The following CHD7 variants were observed in gnomAD, a reference collection of about 807,000 sequenced individuals.
CHD7 encodes the protein chromodomain helicase DNA binding protein 7.
CHD7 carries 24 observed loss-of-function variants against 307.3 expected under a neutral mutation model. That is an observed-to-expected ratio of 0.08 (90% CI 0.06 to 0.11). CHD7 has a LOEUF of 0.11. Among genes scored for constraint, CHD7 ranks in the 10% least tolerant of loss-of-function variants. CHD7 has a pLI of 1.00. For synonymous variants in CHD7, 1,363 were observed against 1,349.9 expected (o/e 1.01, Z -0.21); for missense variants, 3,106 against 3,727.1 (o/e 0.83, Z 4.34).
At chr8:60,804,966 T>G (rs1252687945) in intron 6 of CHD7, among the ~76,000 whole-genome samples, 1 of 152,236 alleles carries the variant, frequency 6.6e-6, no homozygotes, top group African/African-American at 2.4e-5. Context: ...AAAATTCTAT[T>G]TAATTCATAA....
intron 4 of CHD7, among the ~76,000 whole-genome samples, chr8:60,799,953 G>A (rs1407994393): frequency 2.0e-5 from 3 of 151,938 alleles, no homozygotes; most frequent in Non-Finnish European, 2.9e-5. Flanking sequence ...ATCATATATA[G>A]GATTAGCATT....
At chr8:60,722,815 T>A (rs1369555510) in intron 1 of CHD7, among the ~76,000 whole-genome samples, 1 of 152,206 alleles carries the variant, frequency 6.6e-6, no homozygotes, top group Non-Finnish European at 1.5e-5. Context: ...GAAAATCTGG[T>A]CTCATGTGGA....
intron 2 of CHD7, among the ~76,000 whole-genome samples, chr8:60,747,546 T>C (rs1489962262): frequency 1.3e-5 from 2 of 152,240 alleles, no homozygotes; most frequent in African/African-American, 4.8e-5. Context: ...TTATCAAATA[T>C]TGATTTTCAC....
chr8:60,862,025 TA>T (rs1405098447), intron 35 of CHD7, 170 bp from the exon 36 acceptor site: 2 of 525,536 alleles, frequency 3.8e-6, no homozygotes, highest in African/African-American at 3.9e-5. Context: ...ACGGGTAAAA[TA>T]GGAGTTTTTT....
chr8:60,686,656 G>C (rs1181804613), intron 1 of CHD7, among the ~76,000 whole-genome samples: 1 of 152,168 alleles, frequency 6.6e-6, no homozygotes, highest in Non-Finnish European at 1.5e-5. Context: ...CAGGGACCGC[G>C]TGCGACCTGG....
Position 60,856,505 on chromosome 8 carries a change from A to G in CHD7, c.7225A>G (p.Ile2409Val). Reference sequence around the variant, plus strand: ...GAGGAGGAGGAGGAGAAAAATCGAAATTGAGGCCGAAAGAGCTGCCAAGAG... The same window carrying G: ...GAGGAGGAGGAGGAGAAAAATCGAAGTTGAGGCCGAAAGAGCTGCCAAGAG... ...QRRRRRRKIE[I>V]EAERAAKRRN... Residue 2409 changes from isoleucine to valine, a missense_variant, in exon 34 of 38, where the codon ATT becomes GTT. Physicochemically the swap from Ile to Val is conservative, Grantham distance 29. This residue lies in a region of CHD7 where 1,030 missense variants were observed against 1,165.4 expected (regional missense o/e 0.88). Coordinates refer to ENST00000423902, the MANE Select transcript of CHD7 (RefSeq NM_017780.4). The G allele has an allele frequency of 6.2e-7, 1 of 1,613,836 alleles. No homozygotes were observed. Among genetic ancestry groups the G allele is most frequent in the Non-Finnish European group, 8.5e-7 (1 of 1,179,816 alleles).
At chr8:60,795,292 G>A (rs948942380) in intron 4 of CHD7, among the ~76,000 whole-genome samples, 165 bp downstream of exon 4, 13 of 152,206 alleles carry the variant, frequency 8.5e-5, no homozygotes, top group African/African-American at 1.9e-4. Context: ...GAGGGGGAGC[G>A]GGCGTGGAAC....
At position 60,748,987 on chromosome 8, in the gene CHD7, T is replaced by TAAAAAAAA. The variant is rs372874769; in HGVS notation, c.1665+5897_1665+5898insAAAAAAAA. 4.5e-3 allele frequency among the ~76,000 whole-genome samples: 679 copies of TAAAAAAAA among 149,314 alleles called. 2 individuals carry two copies. Among genetic ancestry groups the TAAAAAAAA allele is most frequent in the African/African-American group, 0.016 (638 of 40,756 alleles). ...GTGGTACAATTTTTTTTTTTTTTTT[T>TAAAAAAAA]AAAAAAATAGCCTTTCAGGGAAAAC... is the stretch of plus-strand genomic sequence containing the variant. On this transcript the variant is annotated intron_variant, in intron 2 of 37. Transcript: ENST00000423902.
intron 11 of CHD7, among the ~76,000 whole-genome samples, 137 bp from the exon 12 acceptor site, chr8:60,822,349 AATTTTGTTTGAAAATAT>A (rs1267183112): frequency 6.6e-6 from 1 of 152,164 alleles, no homozygotes; most frequent in Non-Finnish European, 1.5e-5. Context: ...ATTCTTTGAG[AATTTTGTTTGAAAATAT>A]ATTTTGTTGA....
intron 2 of CHD7, among the ~76,000 whole-genome samples, chr8:60,748,614 C>G (rs767937473): frequency 3.3e-5 from 5 of 152,142 alleles, no homozygotes; most frequent in Non-Finnish European, 5.9e-5. Context: ...ATTTGAAGAG[C>G]TTATCTAAAG....
chr8:60,837,873 G>T (rs1804806323), intron 18 of CHD7, 38 bp downstream of exon 18: 3 of 1,556,256 alleles, frequency 1.9e-6, no homozygotes, highest in Non-Finnish European at 2.6e-6. Context: ...ATTTATTCTG[G>T]CACTTTCCTT....
At chr8:60,839,105 A>G (rs77754233) in intron 19 of CHD7, among the ~76,000 whole-genome samples, 1,668 of 152,292 alleles carry the variant, frequency 0.011, 17 homozygotes, top group Non-Finnish European at 0.019. Context: ...CCAGTCTGCC[A>G]TATCTGGAAA....
chr8:60,787,771 T>C (rs1811563827), intron 3 of CHD7, among the ~76,000 whole-genome samples: 1 of 152,130 alleles, frequency 6.6e-6, no homozygotes, highest in Non-Finnish European at 1.5e-5. Context: ...CTTTTCCATG[T>C]TACTTCTGGC....
intron 3 of CHD7, 135 bp downstream of exon 3, chr8:60,781,565 A>G: frequency 7.9e-7 from 1 of 1,266,548 alleles, no homozygotes; most frequent in Non-Finnish European, 1.0e-6. Context: ...TTTCCCTAAT[A>G]TCCAAACTAA....
chr8:60,792,784 C>T (rs145905578), intron 3 of CHD7, among the ~76,000 whole-genome samples: 1,668 of 152,314 alleles, frequency 0.011, 14 homozygotes, highest in Non-Finnish European at 0.015. Context: ...GTGTACATCG[C>T]TCTGGTATAG....
At position 60,795,087 on chromosome 8, in the gene CHD7, C is replaced by T; in HGVS notation, c.2198C>T (p.Pro733Leu). Residue 733 changes from proline to leucine, a missense_variant, in exon 4 of 38, where the codon CCA (proline) becomes CTA (leucine). Pro to Leu is a moderately conservative substitution (Grantham distance 98). Coordinates refer to ENST00000423902, the MANE Select transcript of CHD7 (RefSeq NM_017780.4). ...ENSDLDKTPPPSPPPEEDEDP... is the reference protein window; with the variant it reads ...ENSDLDKTPPLSPPPEEDEDP... ...TCAGACTTAGACAAAACACCCCCACCATCTCCTCCTCCTGAAGAAGATGAG... is the reference window on the plus strand; with the variant it reads ...TCAGACTTAGACAAAACACCCCCACTATCTCCTCCTCCTGAAGAAGATGAG... 1 of 1,613,768 alleles carries T rather than the reference C, an allele frequency of 6.2e-7. No individual in the cohort carries two copies. Among genetic ancestry groups the T allele is most frequent in the East Asian group, 2.2e-5 (1 of 44,870 alleles).
At chr8:60,720,642 C>T (rs149406889) in intron 1 of CHD7, among the ~76,000 whole-genome samples, 54 of 152,336 alleles carry the variant, frequency 3.5e-4, no homozygotes, top group Non-Finnish European at 6.5e-4. Flanking sequence ...CACCCTTCTC[C>T]GTTCTGGTAG....
At chr8:60,812,182 AG>A (rs1435428009) in intron 7 of CHD7, among the ~76,000 whole-genome samples, 3 of 152,092 alleles carry the variant, frequency 2.0e-5, no homozygotes, top group African/African-American at 7.2e-5. Flanking sequence ...TATTGTTTCT[AG>A]CTTTAGTGTC....
At chr8:60,716,821 A>C (rs1330148438) in intron 1 of CHD7, among the ~76,000 whole-genome samples, 1 of 152,210 alleles carries the variant, frequency 6.6e-6, no homozygotes, top group Non-Finnish European at 1.5e-5. Flanking sequence ...GTTGCTTAAA[A>C]TTATATGGGA....
Sources: allele counts gnomAD v4.1 joint callset (sites outside exome capture counted in the v4.1 genomes callset), GRCh38; gene constraint gnomAD v4.1.1; regional missense constraint gnomAD v4.1.1; transcripts MANE v1.5; gene names NCBI Gene and HGNC (gene_info 2026-07-23, HGNC 2026-07-21).